The following SYT17 variants were observed in gnomAD, a reference collection of about 807,000 sequenced individuals.
SYT17 encodes the protein synaptotagmin 17, also known as synaptotagmin-17.
Under a neutral mutation model 46.7 loss-of-function variants are expected in SYT17, and 22 were observed. The ratio of observed to expected loss-of-function variants is 0.47; its 90% CI spans 0.34 to 0.67. The LOEUF (loss-of-function observed/expected upper bound fraction) is 0.67. Ranked by LOEUF, SYT17 falls within the 30% of genes least tolerant of loss-of-function variation. The pLI, the probability that SYT17 is intolerant of heterozygous loss-of-function variation, is 0.01. For synonymous variants in SYT17, 251 were observed against 248.4 expected (o/e 1.01, Z -0.10); for missense variants, 519 against 612.8 (o/e 0.85, Z 1.62).
At chr16:19,236,962 A>G (rs757280464) in intron 7 of SYT17, among the ~76,000 whole-genome samples, 17 of 152,322 alleles carry the variant, frequency 1.1e-4, no homozygotes, top group Non-Finnish European at 2.2e-4. Flanking sequence ...CCAATCATAA[A>G]TCACATTGCT....
intron 7 of SYT17, among the ~76,000 whole-genome samples, chr16:19,234,188 T>C (rs760649590): frequency 3.2e-4 from 49 of 152,164 alleles, no homozygotes; most frequent in Admixed American, 1.7e-3. Flanking sequence ...TACCCAGGCA[T>C]GGTGGTGCTT....
chr16:19,250,010 C>G (rs62025406), intron 7 of SYT17: 140,601 of 1,535,302 alleles, frequency 0.092, 7,168 homozygotes, highest in Non-Finnish European at 0.1. Context: ...CCTTGGATAC[C>G]CTCACCTGGA....
At chr16:19,228,779 G>A (rs1966582934) in intron 7 of SYT17, among the ~76,000 whole-genome samples, 1 of 152,176 alleles carries the variant, frequency 6.6e-6, no homozygotes, top group Admixed American at 6.5e-5. Context: ...GTTCTAACCT[G>A]CTTTATTTGT....
intron 5 of SYT17, among the ~76,000 whole-genome samples, chr16:19,205,205 T>C (rs1965618772): frequency 6.6e-6 from 1 of 152,206 alleles, no homozygotes; most frequent in South Asian, 2.1e-4. Flanking sequence ...ACATAAAATC[T>C]AAATGAGACT....
At chr16:19,210,919 C>T (rs1279314993) in intron 5 of SYT17, among the ~76,000 whole-genome samples, 1 of 152,194 alleles carries the variant, frequency 6.6e-6, no homozygotes, top group Non-Finnish European at 1.5e-5. Flanking sequence ...GAGAGCTGGG[C>T]TCTTGCTATC....
intron 5 of SYT17, among the ~76,000 whole-genome samples, chr16:19,191,386 A>G (rs1965013913): frequency 6.6e-6 from 1 of 152,206 alleles, no homozygotes; most frequent in African/African-American, 2.4e-5. Context: ...AAGAGGCTCC[A>G]GAGAGTTGCC....
At chr16:19,180,032 C>A in intron 3 of SYT17, 1 of 212,258 alleles carries the variant, frequency 4.7e-6, no homozygotes, top group Non-Finnish European at 9.6e-6. Flanking sequence ...AACAACCAGA[C>A]GGTTCACTCC....
chr16:19,265,396 A>C (rs539042778), intron 7 of SYT17, among the ~76,000 whole-genome samples: 4 of 152,320 alleles, frequency 2.6e-5, no homozygotes, highest in African/African-American at 9.6e-5. Flanking sequence ...ATGACATAGT[A>C]TTTCACGTAG....
chr16:19,170,805 C>T (rs1964050933), intron 1 of SYT17: 1 of 152,120 alleles, frequency 6.6e-6, no homozygotes, highest in African/African-American at 2.4e-5. Flanking sequence ...TTCATGCAAG[C>T]CCTATGAGGG....
intron 5 of SYT17, among the ~76,000 whole-genome samples, chr16:19,202,205 C>T (rs1049633899): frequency 1.3e-5 from 2 of 152,116 alleles, no homozygotes; most frequent in South Asian, 2.1e-4. Flanking sequence ...CAGTCAAAAG[C>T]CCCAGGGTGC....
intron 5 of SYT17, among the ~76,000 whole-genome samples, chr16:19,188,831 C>G (rs1358443386): frequency 6.6e-6 from 1 of 152,190 alleles, no homozygotes; most frequent in Non-Finnish European, 1.5e-5. Flanking sequence ...AGCTGCATTG[C>G]TCTAATCCCT....
chr16:19,174,820 C>T lies in SYT17; in HGVS notation c.182+1242C>T, dbSNP rs141011953. ...GCTTGATACTTTGTTGGTGATCATA[C>T]ATGTAAGTAACTCTGGCTGGGCGCA... On this transcript the variant is annotated intron_variant, in intron 3 of 7. Coordinates refer to ENST00000355377, the MANE Select transcript of SYT17 (RefSeq NM_016524.4). 3.2e-3 allele frequency among the ~76,000 whole-genome samples: 484 copies of T among 150,046 alleles called. 3 individuals are homozygous for T. Among genetic ancestry groups the T allele is most frequent in the African/African-American group, 0.011 (468 of 41,376 alleles).
chr16:19,216,898 T>A (rs544284244), intron 5 of SYT17, among the ~76,000 whole-genome samples: 2 of 152,320 alleles, frequency 1.3e-5, no homozygotes, highest in East Asian at 3.9e-4. Context: ...ATATACCCAG[T>A]AATGGGATTG....
chr16:19,189,738 G>A (rs1964939132), intron 5 of SYT17, among the ~76,000 whole-genome samples: 1 of 152,230 alleles, frequency 6.6e-6, no homozygotes, highest in Admixed American at 6.5e-5. Context: ...AGGCAGTTGT[G>A]TAATGGTATA....
At chr16:19,255,437 A>T (rs2142999041) in intron 7 of SYT17, among the ~76,000 whole-genome samples, 1 of 152,270 alleles carries the variant, frequency 6.6e-6, no homozygotes, top group Non-Finnish European at 1.5e-5. Context: ...AGACATGACA[A>T]TCAAAAATGC....
chr16:19,188,721 T>A (rs1964889170), intron 5 of SYT17, among the ~76,000 whole-genome samples: 1 of 152,114 alleles, frequency 6.6e-6, no homozygotes, highest in Non-Finnish European at 1.5e-5. Flanking sequence ...GATCAAGGCA[T>A]TAGCAGAGTC....
intron 5 of SYT17, among the ~76,000 whole-genome samples, chr16:19,212,348 T>C (rs1366264490): frequency 6.6e-6 from 1 of 151,996 alleles, no homozygotes; most frequent in Non-Finnish European, 1.5e-5. Flanking sequence ...AGGCCGGGTA[T>C]GGTGGCTCAC....
chr16:19,221,895 A>G (rs1044468774), intron 5 of SYT17, among the ~76,000 whole-genome samples: 4 of 152,194 alleles, frequency 2.6e-5, no homozygotes, highest in African/African-American at 9.7e-5. Flanking sequence ...TAATATAATG[A>G]CTGGGAGTTA....
chr16:19,169,343 G>A (rs1448184819), intron 1 of SYT17, among the ~76,000 whole-genome samples: 2 of 149,512 alleles, frequency 1.3e-5, no homozygotes, highest in African/African-American at 4.9e-5. Flanking sequence ...GGAGGGGTGG[G>A]CCGGGCTTCT....
Sources: gnomAD v4.1 joint callset for allele counts (sites outside exome capture counted in the v4.1 genomes callset) on GRCh38, gnomAD v4.1.1 for gene constraint, MANE v1.5 for transcripts, NCBI Gene and HGNC (gene_info 2026-07-23, HGNC 2026-07-21) for gene names.